Variants in MTFR1 observed in about 807,000 individuals in gnomAD.
The protein encoded by MTFR1 is mitochondrial fission regulator 1, also known as chondrocyte protein with a poly-proline region.
Under a neutral mutation model 38.8 loss-of-function variants are expected in MTFR1, and 28 were observed. That is an observed-to-expected ratio of 0.72 (90% CI 0.53 to 0.99). MTFR1 has a LOEUF of 0.99. MTFR1 is among the 50% of genes least tolerant of loss of function. The pLI is 0.00. For missense variants in MTFR1, 358 were observed against 395.5 expected, an observed-to-expected ratio of 0.91 and a Z score of 0.81; for synonymous variants, 145 against 137.0, an observed-to-expected ratio of 1.06 and a Z score of -0.41.
chr8:65,681,787 C>T (rs1165064615), intron 2 of MTFR1, among the ~76,000 whole-genome samples: 1 of 150,810 alleles, frequency 6.6e-6, no homozygotes, highest in Non-Finnish European at 1.5e-5. Flanking sequence ...CTTACCTTTC[C>T]TTTGGGGAGC....
At position 65,725,166 on chromosome 8, in the gene MTFR1, G is replaced by C. The variant is rs377230571; in HGVS notation, c.*48+5685G>C. On this transcript the variant is annotated intron_variant, in intron 3 of 3. Transcript: ENST00000521247. ...CCAATATGCAAACATTCCAAAAGGA[G>C]AGCCTTTATTTTGCCAGCCAAGGTG... 8.9e-4 allele frequency: 257 copies of C among 289,282 alleles called. 5 individuals are homozygous for C. The South Asian group carries it at 0.024, about 27-fold the overall frequency. The allele number at this position is 289,282 out of a possible 1,614,324, so 17.9% of individuals were successfully genotyped here.
At chr8:65,652,560 G>T (rs1226609769) in intron 1 of MTFR1, among the ~76,000 whole-genome samples, 4 of 152,110 alleles carry the variant, frequency 2.6e-5, no homozygotes, top group Non-Finnish European at 5.9e-5. Context: ...AGTTTTCATT[G>T]TAGATATCTT....
chr8:65,710,107 T>C lies in MTFR1; in HGVS notation c.*1063T>C, dbSNP rs1805900778. The C allele has an allele frequency of 1.3e-5, 2 of 152,292 alleles. No individual in the cohort carries two copies. Among genetic ancestry groups the C allele is most frequent in the South Asian group, 2.1e-4 (1 of 4,826 alleles). 9.4% of individuals were successfully genotyped at this position (152,292 alleles called of 1,614,324 possible). ...TATTTTTTAAATGCTTTATAAATCT[T>C]CATGGTTTTTCTATTTCTGATACAC... On this transcript the variant is annotated 3_prime_UTR_variant, in exon 8 of 8. Coordinates refer to ENST00000262146, the MANE Select transcript of MTFR1 (RefSeq NM_014637.4).
At chr8:65,695,058 G>A (rs945403158) in intron 4 of MTFR1, among the ~76,000 whole-genome samples, 2 of 152,190 alleles carry the variant, frequency 1.3e-5, no homozygotes, top group Admixed American at 1.3e-4. Flanking sequence ...CCTGAAAGCA[G>A]TGTGGAACCA....
chr8:65,765,212 G>A (rs1324128245), intron 3 of MTFR1, among the ~76,000 whole-genome samples: 1 of 152,010 alleles, frequency 6.6e-6, no homozygotes, highest in South Asian at 2.1e-4. Flanking sequence ...TGGGCGAGCC[G>A]GGCGCGGTGG....
chr8:65,723,326 T>G, intron 3 of MTFR1: 1 of 325,894 alleles, frequency 3.1e-6, no homozygotes, highest in Non-Finnish European at 5.3e-6. Flanking sequence ...AAGTTATTGC[T>G]GCTGCCTGTT....
At chr8:65,712,693 G>A (rs963379001), downstream of MTFR1, among the ~76,000 whole-genome samples, 7 of 152,308 alleles carry the variant, frequency 4.6e-5, no homozygotes, top group African/African-American at 1.7e-4. Flanking sequence ...TGTAAAGACA[G>A]TGCTCACCAG....
chr8:65,646,435 A>G (rs1808966711), intron 1 of MTFR1, among the ~76,000 whole-genome samples: 1 of 152,174 alleles, frequency 6.6e-6, no homozygotes, highest in South Asian at 2.1e-4. Context: ...TTAAGCCACA[A>G]ATCAGTAATG....
intron 3 of MTFR1, among the ~76,000 whole-genome samples, chr8:65,735,083 T>G (rs1478396544): frequency 6.6e-6 from 1 of 152,146 alleles, no homozygotes; most frequent in Non-Finnish European, 1.5e-5. Context: ...TCAATTTGAC[T>G]CTCTATGCTA....
chr8:65,755,744 T>C (rs1808207586), intron 3 of MTFR1, among the ~76,000 whole-genome samples: 1 of 152,266 alleles, frequency 6.6e-6, no homozygotes, highest in Non-Finnish European at 1.5e-5. Context: ...TTTAGGTAAC[T>C]GTTAATACCC....
At chr8:65,660,731 T>C (rs1809390359) in intron 1 of MTFR1, among the ~76,000 whole-genome samples, 1 of 152,234 alleles carries the variant, frequency 6.6e-6, no homozygotes. Flanking sequence ...GAACCCTGAC[T>C]AAATACACTG....
intron 3 of MTFR1, chr8:65,722,161 T>C (rs1169916511): frequency 6.6e-6 from 1 of 152,158 alleles, no homozygotes; most frequent in African/African-American, 2.4e-5. Context: ...ACAAAGCATA[T>C]CTGGTTCTAA....
chr8:65,759,400 A>T (rs1808390363), intron 3 of MTFR1, among the ~76,000 whole-genome samples: 1 of 152,214 alleles, frequency 6.6e-6, no homozygotes, highest in Non-Finnish European at 1.5e-5. Context: ...AATGACGAGA[A>T]CACCAAGGTC....
chr8:65,723,228 A>G (rs1392865375), intron 3 of MTFR1: 3 of 168,712 alleles, frequency 1.8e-5, no homozygotes, highest in Non-Finnish European at 3.8e-5. Context: ...TTGTTTACCT[A>G]TCCTTTTTTA....
downstream of MTFR1, among the ~76,000 whole-genome samples, chr8:65,715,130 G>T (rs1381156271): frequency 6.6e-6 from 1 of 152,068 alleles, no homozygotes; most frequent in African/African-American, 2.4e-5. Flanking sequence ...AATAAATTTT[G>T]CATTCTGTTC....
intron 4 of MTFR1, among the ~76,000 whole-genome samples, chr8:65,697,729 T>G (rs1265341396): frequency 1.3e-5 from 2 of 152,240 alleles, no homozygotes; most frequent in Admixed American, 1.3e-4. Flanking sequence ...CTATTTCATA[T>G]CCCTCTGGCA....
intron 2 of MTFR1, among the ~76,000 whole-genome samples, chr8:65,679,960 C>A (rs16932297): frequency 0.018 from 2,810 of 152,158 alleles, 26 homozygotes; most frequent in African/African-American, 0.025. Context: ...CTTTGCCATC[C>A]TTTTTATTTA....
At chr8:65,727,031 CA>C (rs1214030371) in intron 3 of MTFR1, 1 of 1,016,030 alleles carries the variant, frequency 9.8e-7, no homozygotes, top group African/African-American at 1.6e-5. Context: ...TCATTACTAA[CA>C]ATACTGTTAG....
intron 3 of MTFR1, chr8:65,747,550 TAGAC>T (rs1394038062): frequency 1.2e-5 from 8 of 661,030 alleles, no homozygotes; most frequent in African/African-American, 1.9e-5. Flanking sequence ...CTGCTTTTCA[TAGAC>T]AGAGAAAAAG....
Sources: gnomAD v4.1 joint callset for allele counts (sites outside exome capture counted in the v4.1 genomes callset) on GRCh38, gnomAD v4.1.1 for gene constraint, MANE v1.5 for transcripts, NCBI Gene and HGNC (gene_info 2026-07-23, HGNC 2026-07-21) for gene names.